The following CDC73 variants were observed in gnomAD, a reference collection of about 807,000 sequenced individuals.
CDC73 encodes parafibromin.
CDC73 carries 21 observed loss-of-function variants against 83.7 expected under a neutral mutation model. The observed-to-expected ratio is 0.25, with a 90% confidence interval of 0.18 to 0.36. The LOEUF (loss-of-function observed/expected upper bound fraction) is 0.36. CDC73 is among the 10% of genes least tolerant of loss of function. CDC73 has a pLI of 1.00. For missense variants in CDC73, 342 were observed against 653.3 expected, an observed-to-expected ratio of 0.52 and a Z score of 5.19; for synonymous variants, 224 against 212.9, an observed-to-expected ratio of 1.05 and a Z score of -0.45.
intron 2 of CDC73, 25 bp downstream of exon 2, chr1:193,125,242 C>T (rs1675544170): frequency 8.4e-7 from 1 of 1,186,288 alleles, no homozygotes; most frequent in Non-Finnish European, 1.2e-6. Flanking sequence ...TTTTACTTAT[C>T]TATCTATTTA....
chr1:193,194,103 A>G (rs1309071180), intron 10 of CDC73, among the ~76,000 whole-genome samples: 2 of 152,162 alleles, frequency 1.3e-5, no homozygotes, highest in Non-Finnish European at 2.9e-5. Context: ...GAGCAAATTT[A>G]TATGGTATAC....
intron 7 of CDC73, among the ~76,000 whole-genome samples, chr1:193,146,543 G>A (rs149606816): frequency 0.012 from 1,860 of 151,966 alleles, 19 homozygotes; most frequent in South Asian, 0.034. Flanking sequence ...GAGAAATGGG[G>A]CCAAACTTAC....
At chr1:193,200,628 T>C (rs778726019) in intron 10 of CDC73, among the ~76,000 whole-genome samples, 1 of 152,342 alleles carries the variant, frequency 6.6e-6, no homozygotes, top group Non-Finnish European at 1.5e-5. Context: ...GTCAGCTCTT[T>C]TGTTTTTGTG....
chr1:193,239,159 A>G (rs1677815990), intron 15 of CDC73, among the ~76,000 whole-genome samples: 1 of 152,148 alleles, frequency 6.6e-6, no homozygotes, highest in East Asian at 1.9e-4. Context: ...TGGTACATCA[A>G]ACTCAACCTT....
At chr1:193,135,231 A>G (rs1011536523) in intron 3 of CDC73, among the ~76,000 whole-genome samples, 160 bp from the exon 4 acceptor site, 8 of 152,202 alleles carry the variant, frequency 5.3e-5, no homozygotes, top group Non-Finnish European at 1.0e-4. Context: ...TTAATCTTTT[A>G]AATAACATGT....
chr1:193,142,015 C>CAG lies in CDC73; in HGVS notation c.687_688dup (p.Val230GlufsTer28), dbSNP rs760591174. On this transcript the variant is annotated frameshift_variant, in exon 7 of 17. Transcript: ENST00000367435. LOFTEE classifies it high-confidence loss of function. ...TAGATGTGACCCGAGATATTGTCAG[C>CAG]AGAGAGAGAGTATGGAGGACACGAA... The CAG allele has an allele frequency of 1.2e-6, 2 of 1,613,348 alleles. No individual in the cohort carries two copies. Among genetic ancestry groups the CAG allele is most frequent in the Non-Finnish European group, 1.7e-6 (2 of 1,179,794 alleles).
intron 10 of CDC73, among the ~76,000 whole-genome samples, chr1:193,192,392 G>A (rs889364768): frequency 2.0e-5 from 3 of 152,126 alleles, no homozygotes; most frequent in South Asian, 2.1e-4. Context: ...GCAGTGAGCC[G>A]AGATCGCGCC....
intron 3 of CDC73, among the ~76,000 whole-genome samples, chr1:193,132,171 C>G (rs1431462244): frequency 6.6e-6 from 1 of 152,210 alleles, no homozygotes; most frequent in Non-Finnish European, 1.5e-5. Flanking sequence ...TCATTAACAG[C>G]TGTCTTGTCA....
chr1:193,138,071 G>T lies in CDC73; in HGVS notation c.424-14G>T. 6.3e-7 allele frequency: 1 copy of T among 1,596,242 alleles called. No homozygotes were observed. The highest frequency in any genetic ancestry group is 1.1e-5 in the South Asian group (1 of 90,748). On this transcript the variant is annotated splice_polypyrimidine_tract_variant and intron_variant, in intron 5 of 16. Transcript: ENST00000367435. ...ATAAAAATTTTAAATGCATTAACCAGTGGTTATTTCCAGGATGAAGAGTGT... is the reference window on the plus strand; with the variant it reads ...ATAAAAATTTTAAATGCATTAACCATTGGTTATTTCCAGGATGAAGAGTGT...
intron 6 of CDC73, among the ~76,000 whole-genome samples, chr1:193,140,795 T>C: frequency 6.6e-6 from 1 of 152,222 alleles, no homozygotes; most frequent in East Asian, 1.9e-4. Context: ...AATTATTTAT[T>C]TCTGGAATTT....
rs1676641154 is a variant in CDC73, at chr1:193,178,002, G to C, written c.972+25558G>C. On this transcript the variant is annotated intron_variant, in intron 10 of 16. Coordinates refer to ENST00000367435, the MANE Select transcript of CDC73 (RefSeq NM_024529.5). ...TGTGTACCCTTTGACCAAAAGCAAA[G>C]CTGTCATTTAAAATTATATTTTTAT... is the stretch of plus-strand genomic sequence containing the variant. Among the ~76,000 whole-genome samples, 4 of 152,124 alleles carry C rather than the reference G, an allele frequency of 2.6e-5. No individual in the cohort carries two copies. The South Asian group carries it at 8.3e-4, about 32-fold the overall frequency.
rs1363109915 is a variant in CDC73, at chr1:193,122,041, C to T, written c.-160C>T. The stretch of plus-strand genomic sequence containing the variant: ...TCGGCGGCCTGGGTGGCTACTGCCC[C>T]TGCTGCTGTCGTAGGCGAGGACGGC... On this transcript the variant is annotated 5_prime_UTR_variant, in exon 1 of 17. Transcript: ENST00000367435. The T allele has an allele frequency of 1.5e-5, 10 of 683,176 alleles. No individual in the cohort carries two copies. The highest frequency in any genetic ancestry group is 1.1e-4 in the African/African-American group (6 of 56,214). 42.3% of individuals were successfully genotyped at this position (683,176 alleles called of 1,614,324 possible).
At chr1:193,123,592 G>A (rs1675507229) in intron 1 of CDC73, among the ~76,000 whole-genome samples, 1 of 152,122 alleles carries the variant, frequency 6.6e-6, no homozygotes, top group South Asian at 2.1e-4. Flanking sequence ...TTGATCAAAT[G>A]ACATTCTGAG....
rs780020781 is a variant in CDC73 at position 193,236,259 on chromosome 1, C to T, written c.1320C>T (p.Asp440=). The T allele has an allele frequency of 6.2e-7, 1 of 1,612,068 alleles. No individual in the cohort carries two copies. The highest frequency in any genetic ancestry group is 1.1e-5 in the South Asian group (1 of 91,026). ...CCACCCACTTTTCTACTTGTAGGGA[C>T]CGCGTTGTAGCCGTTTTTGTGCAGG... The part of the protein sequence containing the change: ...QPLKLMPQDW[D]RVVAVFVQGP... Residue 440 remains aspartate, a synonymous_variant, in exon 15 of 17, where the codon GAC becomes GAT. Coordinates refer to ENST00000367435, the MANE Select transcript of CDC73 (RefSeq NM_024529.5).
intron 10 of CDC73, chr1:193,181,496 A>G (rs1343323936): frequency 6.2e-7 from 1 of 1,612,286 alleles, no homozygotes; most frequent in Non-Finnish European, 8.5e-7. Context: ...TGAGTGCGGA[A>G]CAGAGACCTT....
chr1:193,181,273 G>C, intron 10 of CDC73: 6 of 1,614,122 alleles, frequency 3.7e-6, no homozygotes, highest in Non-Finnish European at 5.1e-6. Flanking sequence ...ATTAGAGTTA[G>C]TTGCTGTTTG....
rs745826358 is a variant in CDC73 at position 193,233,107 on chromosome 1, A to G, written c.1269A>G (p.Val423=). ...GGGGCACTGCAATTAGTGTTACAGT[A>G]CCTTATAGAGTAGTAGACCAGCCCC... ...QPGGTAISVT[V]PYRVVDQPLK... The change falls in exon 14 of 17, where the codon GTA becomes GTG. Residue 423 remains valine (V), a synonymous_variant. Transcript: ENST00000367435. 1.2e-6 allele frequency: 2 copies of G among 1,613,204 alleles called. No homozygotes were observed. Among genetic ancestry groups the G allele is most frequent in the African/African-American group, 2.7e-5 (2 of 75,046 alleles).
At chr1:193,176,621 A>G (rs945440911) in intron 10 of CDC73, among the ~76,000 whole-genome samples, 2 of 152,232 alleles carry the variant, frequency 1.3e-5, no homozygotes, top group African/African-American at 4.8e-5. Flanking sequence ...TGATACATTG[A>G]AATTCTTGGA....
intron 10 of CDC73, chr1:193,180,709 C>G (rs745839994): frequency 2.5e-6 from 4 of 1,614,060 alleles, no homozygotes; most frequent in Non-Finnish European, 3.4e-6. Context: ...GGGTGCATAT[C>G]CTCGCATTAG....
Sources: allele counts gnomAD v4.1 joint callset (sites outside exome capture counted in the v4.1 genomes callset), GRCh38; gene constraint gnomAD v4.1.1; transcripts MANE v1.5; gene names NCBI Gene and HGNC (gene_info 2026-07-23, HGNC 2026-07-21).